Variants in FBXL17 observed in about 807,000 individuals in gnomAD.
FBXL17 encodes the protein F-box/LRR-repeat protein 17.
Under a neutral mutation model 66.2 loss-of-function variants are expected in FBXL17, and 22 were observed. The observed-to-expected ratio is 0.33, with a 90% CI of 0.24 to 0.47. FBXL17 has a LOEUF of 0.47. Ranked by LOEUF, FBXL17 falls within the 20% of genes least tolerant of loss-of-function variation. FBXL17 has a pLI of 1.00. For missense variants in FBXL17, 878 were observed against 948.2 expected, an observed-to-expected ratio of 0.93 and a Z score of 0.97; for synonymous variants, 474 against 400.5, an observed-to-expected ratio of 1.18 and a Z score of -2.19.
At chr5:107,924,060 G>GTTT (rs34494908) in intron 7 of FBXL17, among the ~76,000 whole-genome samples, 1 of 107,564 alleles carries the variant, frequency 9.3e-6, no homozygotes, top group African/African-American at 4.2e-5. Flanking sequence ...TGAGCTTAGT[G>GTTT]TTTTTTTTTT....
chr5:108,173,490 T>G (rs1270703765), intron 6 of FBXL17, among the ~76,000 whole-genome samples: 1 of 152,220 alleles, frequency 6.6e-6, no homozygotes, highest in Non-Finnish European at 1.5e-5. Context: ...CTATTCATAC[T>G]GAATTATGAA....
Position 108,183,563 on chromosome 5 carries a change from TTTTC to T in FBXL17, c.1745+2550_1745+2553del, listed in dbSNP as rs1344923603. On this transcript the variant is annotated intron_variant, in intron 6 of 8. Transcript: ENST00000542267. ...GAAAGTTAATTTATTTGAATTTTCT[TTTTC>T]TTAAATGTTTCAATTTCAGTAACTT... 2.0e-5 allele frequency among the ~76,000 whole-genome samples: 3 copies of T among 152,210 alleles called. No homozygotes were observed. The East Asian group carries it at 5.8e-4, about 29-fold the overall frequency.
At chr5:108,337,708 T>TAAAAA (rs70996991) in intron 4 of FBXL17, among the ~76,000 whole-genome samples, 1 of 142,314 alleles carries the variant, frequency 7.0e-6, no homozygotes, top group Non-Finnish European at 1.5e-5. Flanking sequence ...GTACAAAAAG[T>TAAAAA]AAAAAAAAAA....
chr5:108,333,788 T>C (rs1760247993), intron 4 of FBXL17, among the ~76,000 whole-genome samples: 1 of 152,186 alleles, frequency 6.6e-6, no homozygotes, highest in Admixed American at 6.5e-5. Context: ...TTTCTTTCAA[T>C]TGACTTGATT....
chr5:108,012,558 GA>G (rs967535184), intron 7 of FBXL17, among the ~76,000 whole-genome samples: 1 of 151,766 alleles, frequency 6.6e-6, no homozygotes, highest in East Asian at 1.9e-4. Context: ...AATCCTACTG[GA>G]AAAAAAAGTG....
intron 4 of FBXL17, among the ~76,000 whole-genome samples, chr5:108,330,523 C>T (rs1375269295): frequency 1.3e-5 from 2 of 152,134 alleles, no homozygotes; most frequent in Non-Finnish European, 2.9e-5. Flanking sequence ...AATTCATAAG[C>T]AATCTCACCA....
chr5:108,189,266 G>A (rs556031906), intron 5 of FBXL17, among the ~76,000 whole-genome samples: 2 of 138,026 alleles, frequency 1.4e-5, no homozygotes, highest in East Asian at 5.2e-4. Flanking sequence ...ACAAGCTCAT[G>A]TAGTTGCTGG....
chr5:108,022,216 TA>T (rs1044839486), intron 6 of FBXL17, among the ~76,000 whole-genome samples: 1 of 151,778 alleles, frequency 6.6e-6, no homozygotes, highest in South Asian at 2.1e-4. Context: ...AAAAGATCTA[TA>T]AAAAAATGGA....
intron 4 of FBXL17, among the ~76,000 whole-genome samples, chr5:108,264,361 G>A (rs946185362): frequency 6.6e-6 from 1 of 151,596 alleles, no homozygotes; most frequent in African/African-American, 2.4e-5. Flanking sequence ...AACACTGAAA[G>A]AGTTAGGTGC....
chr5:108,329,686 C>A (rs1214081391), intron 4 of FBXL17, among the ~76,000 whole-genome samples: 4 of 152,116 alleles, frequency 2.6e-5, no homozygotes, highest in African/African-American at 9.7e-5. Flanking sequence ...ACATTATATA[C>A]TATAAAATAG....
chr5:108,030,248 G>A (rs1754984742), intron 6 of FBXL17, among the ~76,000 whole-genome samples: 3 of 152,110 alleles, frequency 2.0e-5, no homozygotes, highest in Admixed American at 6.6e-5. Flanking sequence ...TATTCCCTCT[G>A]AAGAGAAACA....
At chr5:108,179,227 C>G (rs898305763) in intron 6 of FBXL17, among the ~76,000 whole-genome samples, 2 of 152,098 alleles carry the variant, frequency 1.3e-5, no homozygotes, top group Admixed American at 1.3e-4. Context: ...CTAAATATCA[C>G]CGTTTTTTAT....
At chr5:108,069,473 TTG>T (rs1294908004) in intron 6 of FBXL17, among the ~76,000 whole-genome samples, 2 of 152,242 alleles carry the variant, frequency 1.3e-5, no homozygotes, top group African/African-American at 4.8e-5. Flanking sequence ...AAGAATAATT[TTG>T]TGTTATCTCT....
chr5:108,356,054 T>C (rs112291464), intron 3 of FBXL17, among the ~76,000 whole-genome samples: 88 of 152,258 alleles, frequency 5.8e-4, no homozygotes, highest in Middle Eastern at 6.8e-3. Context: ...TATGCCATAT[T>C]AATACTAATC....
chr5:108,248,806 C>G (rs1276336905), intron 4 of FBXL17, among the ~76,000 whole-genome samples: 1 of 151,966 alleles, frequency 6.6e-6, no homozygotes, highest in African/African-American at 2.4e-5. Flanking sequence ...TTTTCAAGTG[C>G]TAAAAGAAAA....
At position 107,999,893 on chromosome 5, in the gene FBXL17, C is replaced by A. The variant is rs531551574; in HGVS notation, c.1822+21032G>T. Among the ~76,000 whole-genome samples the A allele has an allele frequency of 1.3e-4, 20 of 152,088 alleles. No individual in the cohort carries two copies. The East Asian group carries it at 3.5e-3, about 26-fold the overall frequency. On this transcript the variant is annotated intron_variant, in intron 7 of 8. Transcript: ENST00000542267. ...ATGCATTCATATACCACATTCAAGGCAAAGAAACAAATGGACACACCAATT... is the reference window on the plus strand; with the variant it reads ...ATGCATTCATATACCACATTCAAGGAAAAGAAACAAATGGACACACCAATT...
intron 7 of FBXL17, among the ~76,000 whole-genome samples, chr5:107,911,377 A>G (rs1425811481): frequency 1.3e-5 from 2 of 152,150 alleles, no homozygotes; most frequent in Non-Finnish European, 1.5e-5. Context: ...CAGGTGGACT[A>G]AAGACTTAAA....
chr5:107,972,365 T>C (rs1752404009), intron 7 of FBXL17, among the ~76,000 whole-genome samples: 1 of 152,182 alleles, frequency 6.6e-6, no homozygotes, highest in South Asian at 2.1e-4. Context: ...GGTAGAACTG[T>C]TAGATTTCCT....
chr5:108,205,034 C>G (rs1354481335), intron 5 of FBXL17, among the ~76,000 whole-genome samples: 1 of 151,940 alleles, frequency 6.6e-6, no homozygotes, highest in Admixed American at 6.6e-5. Context: ...TTTCAGCCTT[C>G]CAAGCAGCTA....
Sources: allele counts gnomAD v4.1 joint callset (sites outside exome capture counted in the v4.1 genomes callset), GRCh38; gene constraint gnomAD v4.1.1; transcripts MANE v1.5; gene names NCBI Gene and HGNC (gene_info 2026-07-23, HGNC 2026-07-21).